Variants in ALCAM observed in about 807,000 individuals in gnomAD.
ALCAM encodes the protein activated leukocyte cell adhesion molecule, also known as CD166 antigen.
Under a neutral mutation model 70.9 loss-of-function variants are expected in ALCAM, and 30 were observed. The ratio of observed to expected loss-of-function variants is 0.42; its 90% CI spans 0.32 to 0.57. The LOEUF (loss-of-function observed/expected upper bound fraction) is 0.57, where lower values mean the gene tolerates loss of function less well. Ranked by LOEUF, ALCAM falls within the 20% of genes least tolerant of loss-of-function variation. The pLI, the probability that ALCAM is intolerant of heterozygous loss-of-function variation, is 0.11. For missense variants in ALCAM, 591 were observed against 695.1 expected, an observed-to-expected ratio of 0.85 and a Z score of 1.68; for synonymous variants, 249 against 242.5, an observed-to-expected ratio of 1.03 and a Z score of -0.25.
chr3:105,573,892 A>T (rs1389182756), intron 15 of ALCAM, among the ~76,000 whole-genome samples: 1 of 152,212 alleles, frequency 6.6e-6, no homozygotes, highest in Non-Finnish European at 1.5e-5. Context: ...AGGGGAGAAC[A>T]ATAGAATAAT....
At chr3:105,464,953 C>G (rs1937672943) in intron 1 of ALCAM, among the ~76,000 whole-genome samples, 1 of 151,258 alleles carries the variant, frequency 6.6e-6, no homozygotes, top group African/African-American at 2.4e-5. Context: ...TCCCCTGTAC[C>G]CAGCGCATAG....
intron 1 of ALCAM, among the ~76,000 whole-genome samples, chr3:105,500,961 C>T (rs1938902539): frequency 6.6e-6 from 1 of 152,200 alleles, no homozygotes; most frequent in Admixed American, 6.5e-5. Flanking sequence ...TGTCCATGAA[C>T]CAAACTTTAT....
chr3:105,515,334 T>C (rs1939354513), intron 1 of ALCAM, among the ~76,000 whole-genome samples: 1 of 152,084 alleles, frequency 6.6e-6, no homozygotes, highest in South Asian at 2.1e-4. Flanking sequence ...TGATTTAATA[T>C]GTTTCTGTGT....
chr3:105,461,129 A>G (rs1937598353), intron 1 of ALCAM, among the ~76,000 whole-genome samples: 1 of 151,786 alleles, frequency 6.6e-6, no homozygotes, highest in Non-Finnish European at 1.5e-5. Flanking sequence ...ACATACATAC[A>G]TAAAGCAAAA....
At chr3:105,541,844 C>CT (rs1345434570) in intron 8 of ALCAM, 79 bp downstream of exon 8, 3 of 1,509,246 alleles carry the variant, frequency 2.0e-6, no homozygotes, top group Non-Finnish European at 2.7e-6. Context: ...TTCAAATAAA[C>CT]TGCACGTATA....
intron 1 of ALCAM, among the ~76,000 whole-genome samples, chr3:105,465,385 G>C (rs1316206325): frequency 6.6e-6 from 1 of 151,462 alleles, no homozygotes; most frequent in Non-Finnish European, 1.5e-5. Context: ...GTCAATGTTA[G>C]TCATGGGCAA....
In ALCAM at chr3:105,574,658, A is replaced by C. The variant is rs1051847964; in HGVS notation, c.*207A>C. 11 of 152,496 alleles carry C rather than the reference A, an allele frequency of 7.2e-5. No individual in the cohort carries two copies. In the Admixed American group the frequency reaches 7.2e-4, roughly 10 times the overall value. The allele number at this position is 152,496 out of a possible 1,614,324, so 9.4% of individuals were successfully genotyped here. ...AATTTAATTACAAACAATAAGAACA[A>C]GTTTTGGCAGCCATGATAATAGGTC... On this transcript the variant is annotated 3_prime_UTR_variant, in exon 16 of 16. Transcript: ENST00000306107.
At chr3:105,462,410 T>A (rs939128485) in intron 1 of ALCAM, among the ~76,000 whole-genome samples, 1 of 151,602 alleles carries the variant, frequency 6.6e-6, no homozygotes, top group Non-Finnish European at 1.5e-5. Context: ...TATGTAGCAT[T>A]TCATTGTATA....
intron 1 of ALCAM, among the ~76,000 whole-genome samples, chr3:105,455,521 G>T (rs1055026000): frequency 2.6e-5 from 4 of 152,034 alleles, no homozygotes; most frequent in Non-Finnish European, 5.9e-5. Context: ...GGTAGAAATG[G>T]TACACACGAA....
chr3:105,381,105 A>G (rs1255973401), intron 1 of ALCAM, among the ~76,000 whole-genome samples: 1 of 151,970 alleles, frequency 6.6e-6, no homozygotes, highest in Non-Finnish European at 1.5e-5. Flanking sequence ...AATAGCACCT[A>G]TCTTGTAGGA....
intron 1 of ALCAM, among the ~76,000 whole-genome samples, chr3:105,421,349 G>A (rs1415084915): frequency 6.6e-6 from 1 of 151,150 alleles, no homozygotes; most frequent in Non-Finnish European, 1.5e-5. Context: ...GTTCTTTTGT[G>A]GTCCATAGCA....
intron 14 of ALCAM, among the ~76,000 whole-genome samples, chr3:105,557,040 A>T (rs1421368645): frequency 6.6e-6 from 1 of 151,946 alleles, no homozygotes; most frequent in Non-Finnish European, 1.5e-5. Context: ...TCCAAATTCC[A>T]TATAGTATTT....
At chr3:105,435,298 G>A (rs901020078) in intron 1 of ALCAM, among the ~76,000 whole-genome samples, 1 of 152,130 alleles carries the variant, frequency 6.6e-6, no homozygotes, top group Admixed American at 6.5e-5. Flanking sequence ...AACAAAAAAC[G>A]TGTCTCCTAG....
chr3:105,462,522 T>A (rs1285639245), intron 1 of ALCAM, among the ~76,000 whole-genome samples: 1 of 151,538 alleles, frequency 6.6e-6, no homozygotes, highest in East Asian at 1.9e-4. Context: ...TGGTTTACAA[T>A]TGAAGTACAT....
intron 1 of ALCAM, among the ~76,000 whole-genome samples, chr3:105,482,544 C>T (rs554015406): frequency 2.4e-4 from 37 of 152,104 alleles, no homozygotes; most frequent in Admixed American, 6.6e-4. Context: ...CATTTCAGAA[C>T]AAATAAATTA....
chr3:105,442,941 C>T (rs942245222), intron 1 of ALCAM, among the ~76,000 whole-genome samples: 1 of 152,116 alleles, frequency 6.6e-6, no homozygotes, highest in Non-Finnish European at 1.5e-5. Context: ...GGGATCCTCC[C>T]ACTTGAGCCC....
intron 3 of ALCAM, among the ~76,000 whole-genome samples, chr3:105,526,865 TG>T (rs1939717599): frequency 6.6e-6 from 1 of 152,172 alleles, no homozygotes; most frequent in Non-Finnish European, 1.5e-5. Context: ...TTCCCTCTGT[TG>T]AATCACTTAG....
intron 12 of ALCAM, among the ~76,000 whole-genome samples, chr3:105,551,031 A>C (rs1940388960): frequency 6.6e-6 from 1 of 151,554 alleles, no homozygotes; most frequent in South Asian, 2.1e-4. Flanking sequence ...CAGGATGCTA[A>C]CTGACCTGCC....
At chr3:105,402,594 G>A (rs1330919054) in intron 1 of ALCAM, among the ~76,000 whole-genome samples, 4 of 152,114 alleles carry the variant, frequency 2.6e-5, no homozygotes, top group Non-Finnish European at 5.9e-5. Flanking sequence ...ATGGGAGCGG[G>A]GTGTGGCCCG....
Sources: gnomAD v4.1 joint callset for allele counts (sites outside exome capture counted in the v4.1 genomes callset) on GRCh38, gnomAD v4.1.1 for gene constraint, MANE v1.5 for transcripts, NCBI Gene and HGNC (gene_info 2026-07-23, HGNC 2026-07-21) for gene names.